The following MYBPH variants were observed in gnomAD, a reference collection of about 807,000 sequenced individuals.
MYBPH encodes myosin binding protein H, also known as myosin-binding protein H.
A neutral mutation model predicts 53.6 loss-of-function variants in MYBPH; 49 were observed. The observed-to-expected ratio is 0.91, with a 90% CI of 0.73 to 1.16. MYBPH has a LOEUF of 1.16. Ranked by LOEUF, MYBPH falls within the 50% of genes most tolerant of loss-of-function variation. MYBPH has a pLI of 0.00. For synonymous variants in MYBPH, 239 were observed against 249.6 expected, an observed-to-expected ratio of 0.96 and a Z score of 0.40; for missense variants, 558 against 624.1, an observed-to-expected ratio of 0.89 and a Z score of 1.13.
chr1:203,168,712 G>A, intron 9 of MYBPH, 37 bp from the exon 10 acceptor site: 1 of 1,573,836 alleles, frequency 6.4e-7, no homozygotes, highest in Non-Finnish European at 8.6e-7. Context: ...TGGGGGAAGT[G>A]GCGGGGAACT....
At chr1:203,174,698 C>G in intron 2 of MYBPH, 101 bp from the exon 3 acceptor site, 1 of 1,225,474 alleles carries the variant, frequency 8.2e-7, no homozygotes, top group African/African-American at 1.5e-5. Context: ...AATCAGCCTC[C>G]CTCTCTGGGC....
chr1:203,177,620 C>T (rs559855450), upstream of MYBPH, among the ~76,000 whole-genome samples: 65 of 152,308 alleles, frequency 4.3e-4, 1 homozygote, highest in African/African-American at 1.1e-3. Flanking sequence ...GTCCTGGAGA[C>T]TGGATCTCCA....
At chr1:203,174,660 G>A in intron 2 of MYBPH, 63 bp from the exon 3 acceptor site, 4 of 1,393,260 alleles carry the variant, frequency 2.9e-6, no homozygotes, top group Admixed American at 2.8e-5. Context: ...TCTCCATGGG[G>A]CTTCTTTTCC....
At chr1:203,174,388 T>A in intron 3 of MYBPH, 42 bp downstream of exon 3, 2 of 1,525,156 alleles carry the variant, frequency 1.3e-6, no homozygotes, top group African/African-American at 1.4e-5. Context: ...AGATAAGGTG[T>A]TTGGGAAGGG....
In MYBPH at chr1:203,175,402, C is replaced by T. The variant is rs1373798216; in HGVS notation, c.265G>A (p.Val89Met). The T allele has an allele frequency of 1.3e-6, 2 of 1,543,070 alleles. No homozygotes were observed. Among genetic ancestry groups the T allele is most frequent in the Admixed American group, 2.0e-5 (1 of 49,546 alleles). The part of the protein sequence containing the change: ...LDDVSSSSVT[V>M]SWEPPERLGR... ...AGCCTCTCTGGGGGCTCCCAGCTCACAGTCACAGAGCTGCTGCTCACATCA... is the reference window on the plus strand; with the variant it reads ...AGCCTCTCTGGGGGCTCCCAGCTCATAGTCACAGAGCTGCTGCTCACATCA... Residue 89 changes from valine to methionine, a missense_variant, in exon 2 of 11, where the codon GTG becomes ATG. Val to Met is a conservative substitution (Grantham distance 21). Transcript: ENST00000255416.
upstream of MYBPH, among the ~76,000 whole-genome samples, chr1:203,176,584 T>C (rs12724763): frequency 0.044 from 6,667 of 152,164 alleles, 211 homozygotes; most frequent in South Asian, 0.077. Flanking sequence ...AGGAGAGCAC[T>C]CTGAAGCTTC....
intron 7 of MYBPH, among the ~76,000 whole-genome samples, 184 bp from the exon 8 acceptor site, chr1:203,169,573 A>G (rs1214315460): frequency 6.6e-6 from 1 of 152,190 alleles, no homozygotes; most frequent in Non-Finnish European, 1.5e-5. Context: ...ATGAGTAGAG[A>G]TGAGAAGGTG....
chr1:203,169,851 G>T (rs941776282), intron 7 of MYBPH, among the ~76,000 whole-genome samples: 3 of 152,204 alleles, frequency 2.0e-5, no homozygotes, highest in Non-Finnish European at 4.4e-5. Flanking sequence ...AAGGTCAGGT[G>T]CCTGTGTGGA....
upstream of MYBPH, among the ~76,000 whole-genome samples, chr1:203,176,153 C>T (rs1004610469): frequency 3.9e-5 from 6 of 152,188 alleles, no homozygotes; most frequent in Admixed American, 3.3e-4. Context: ...CCAGCTCAGG[C>T]TCTGTGTGTC....
chr1:203,168,967 G>A lies in MYBPH; in HGVS notation c.1356C>T (p.Tyr452=). Residue 452 remains tyrosine, a synonymous_variant, in exon 9 of 11, where the codon TAC becomes TAT. Coordinates refer to ENST00000255416, the MANE Select transcript of MYBPH (RefSeq NM_004997.3). ...RKPSPFDSGV[Y]TCKAINVLGE... is the part of the protein sequence containing the mutation. Reference sequence around the variant, plus strand: ...CCAGCACATTTATGGCCTTGCAGGTGTAGACCCCAGAATCAAAGGGGCTGG... The same window carrying A: ...CCAGCACATTTATGGCCTTGCAGGTATAGACCCCAGAATCAAAGGGGCTGG... 6.2e-7 allele frequency: 1 copy of A among 1,614,020 alleles called. No individual in the cohort carries two copies. Among genetic ancestry groups the A allele is most frequent in the Non-Finnish European group, 8.5e-7 (1 of 1,180,044 alleles).
chr1:203,171,986 A>G lies in MYBPH; in HGVS notation c.563T>C (p.Val188Ala). The change falls in exon 4 of 11, where the codon GTG becomes GCG. Residue 188 changes from valine to alanine, a missense_variant. By Grantham distance (64) the Val-to-Ala change is moderately conservative. Transcript: ENST00000255416. The surrounding 1 kb of genome is among the most constrained non-coding windows in gnomAD (Gnocchi z 4.2). Reference sequence around the variant, plus strand: ...GATTTGCAGGTTGACCGTCTCTCCCACCTGGCGGATGTAGGTCTGACGGAG... The same window carrying G: ...GATTTGCAGGTTGACCGTCTCTCCCGCCTGGCGGATGTAGGTCTGACGGAG... ...RHLRQTYIRQ[V>A]GETVNLQIPF... The G allele has an allele frequency of 7.6e-7, 1 of 1,322,234 alleles. No homozygotes were observed. Among genetic ancestry groups the G allele is most frequent in the Non-Finnish European group, 9.7e-7 (1 of 1,028,074 alleles). The allele number at this position is 1,322,234 out of a possible 1,614,324, so 81.9% of individuals were successfully genotyped here. A position where few individuals can be genotyped will look rare whatever the true frequency, so the allele number is the denominator to read the frequency against.
chr1:203,171,469 G>A lies in MYBPH; in HGVS notation c.707C>T (p.Ala236Val). The A allele has an allele frequency of 1.9e-6, 3 of 1,613,936 alleles. No individual in the cohort carries two copies. The South Asian group carries it at 3.3e-5, about 18-fold the overall frequency. ...DQDSILFIRS[A>V]QRSDSGRYEL... ...GTAGCGGCCAGAGTCGGAGCGCTGG[G>A]CCGAGCGAATGAAGAGGATGGAGTC... The change falls in exon 5 of 11, where the codon GCC becomes GTC. Residue 236 changes from alanine (A) to valine (V), a missense_variant. Coordinates refer to ENST00000255416, the MANE Select transcript of MYBPH (RefSeq NM_004997.3). The surrounding 1 kb of genome is among the most constrained non-coding windows in gnomAD (Gnocchi z 4.2).
intron 3 of MYBPH, among the ~76,000 whole-genome samples, chr1:203,173,846 A>G (rs1434598539): frequency 6.6e-6 from 1 of 152,200 alleles, no homozygotes; most frequent in African/African-American, 2.4e-5. Flanking sequence ...CGAGGGGAGG[A>G]TTGAGGCTAA....
intron 7 of MYBPH, among the ~76,000 whole-genome samples, chr1:203,169,974 G>A (rs1380985731): frequency 1.3e-5 from 2 of 152,156 alleles, no homozygotes; most frequent in Non-Finnish European, 2.9e-5. Context: ...GGTTCCCTTC[G>A]GACACTCACT....
At chr1:203,175,891 C>A, upstream of MYBPH, 1 of 848,156 alleles carries the variant, frequency 1.2e-6, no homozygotes, top group South Asian at 1.6e-5. Context: ...AAACGATTCC[C>A]AGCTGTGGGG....
upstream of MYBPH, among the ~76,000 whole-genome samples, chr1:203,176,625 GC>G (rs1271873105): frequency 2.6e-5 from 4 of 152,134 alleles, no homozygotes; most frequent in African/African-American, 7.2e-5. Flanking sequence ...GTGGGCATGG[GC>G]TTTCTCAGTG....
Position 203,175,820 on chromosome 1 carries a change from C to T in MYBPH, c.-65G>A, listed in dbSNP as rs539605258. The T allele has an allele frequency of 3.5e-5, 54 of 1,548,488 alleles. No homozygotes were observed. In the African/African-American group the frequency reaches 6.7e-4, roughly 19 times the overall value. On this transcript the variant is annotated 5_prime_UTR_variant, in exon 1 of 11. Transcript: ENST00000255416. Reference sequence around the variant, plus strand: ...GTCAGCCGTTGGGGGGCCTGGGCCTCTAGGGTGCCTGGGACACCTAGGTCC... The same window carrying T: ...GTCAGCCGTTGGGGGGCCTGGGCCTTTAGGGTGCCTGGGACACCTAGGTCC...
rs752872967 is a variant in MYBPH at position 203,167,813 on chromosome 1, C to T, written c.*311G>A. On this transcript the variant is annotated 3_prime_UTR_variant, in exon 11 of 11. Transcript: ENST00000255416. ...CGCTCACTGGCACAGAGGCCCCGCA[C>T]TGTTAACACCACGCATCTTTATTTG... 2.6e-5 allele frequency: 4 copies of T among 152,358 alleles called. No individual in the cohort carries two copies. Among genetic ancestry groups the T allele is most frequent in the Non-Finnish European group, 4.4e-5 (3 of 68,214 alleles). 9.4% of individuals were successfully genotyped at this position (152,358 alleles called of 1,614,324 possible).
In MYBPH at chr1:203,169,018, G is replaced by T; in HGVS notation, c.1305C>A (p.Gly435=). Residue 435 remains glycine, a synonymous_variant, in exon 9 of 11, where the codon GGC becomes GGA. Transcript: ENST00000255416. ...GTTTCCGGATCTCTAGGGTGCAGAC[G>T]CCTTGCTCAGAGAGGGCGCGGTATT... ...NPKYRALSEQ[G]VCTLEIRKPS... is the part of the protein sequence containing the mutation. 1.2e-6 allele frequency: 2 copies of T among 1,613,716 alleles called. No homozygotes were observed. Among genetic ancestry groups the T allele is most frequent in the Non-Finnish European group, 1.7e-6 (2 of 1,180,030 alleles).
Sources: gnomAD v4.1 joint callset for allele counts (sites outside exome capture counted in the v4.1 genomes callset) on GRCh38, gnomAD v4.1.1 for gene constraint, Gnocchi (gnomAD v3.1) non-coding constraint, MANE v1.5 for transcripts, NCBI Gene and HGNC (gene_info 2026-07-23, HGNC 2026-07-21) for gene names.